The following RPA3 variants were observed in gnomAD, a reference collection of about 807,000 sequenced individuals.
RPA3 encodes the protein replication protein A 14 kDa subunit.
RPA3 carries 24 observed loss-of-function variants against 13.7 expected under a neutral mutation model. That is an observed-to-expected ratio of 1.75 (90% CI 1.27 to 2.46). The LOEUF is 2.46. Ranked by LOEUF, RPA3 falls within the 30% of genes most tolerant of loss-of-function variation. The pLI, the probability that RPA3 is intolerant of heterozygous loss-of-function variation, is 0.00. For missense variants in RPA3, 183 were observed against 151.0 expected (o/e 1.21, Z -1.11); for synonymous variants, 59 against 51.2 (o/e 1.15, Z -0.65).
rs560496040 is a variant in RPA3, at chr7:7,667,871, C to G, written c.-758+17959G>C. On this transcript the variant is annotated intron_variant, in intron 4 of 7. Transcript: ENST00000223129. Reference sequence around the variant, plus strand: ...CAATAGAATTTGGTTTAAGATTGTGCTCTACTCTACTAGCTATGTAAACTT... The same window carrying G: ...CAATAGAATTTGGTTTAAGATTGTGGTCTACTCTACTAGCTATGTAAACTT... Among the ~76,000 whole-genome samples the G allele has an allele frequency of 1.4e-3, 216 of 152,282 alleles. 2 individuals are homozygous for G. Among genetic ancestry groups the G allele is most frequent in the Non-Finnish European group, 2.0e-3 (137 of 68,022 alleles).
intron 4 of RPA3, among the ~76,000 whole-genome samples, chr7:7,675,797 A>G (rs763884063): frequency 1.1e-4 from 17 of 152,182 alleles, no homozygotes; most frequent in Admixed American, 2.0e-4. Context: ...TTTAATTTGC[A>G]GTGCAGCTGG....
intron 7 of RPA3, among the ~76,000 whole-genome samples, 178 bp from the exon 8 acceptor site, chr7:7,637,260 G>C (rs1002001073): frequency 6.6e-6 from 1 of 152,104 alleles, no homozygotes; most frequent in African/African-American, 2.4e-5. Context: ...AAAGACATGG[G>C]AGTACCATCC....
chr7:7,671,165 A>G (rs1352943591), intron 4 of RPA3, among the ~76,000 whole-genome samples: 1 of 152,200 alleles, frequency 6.6e-6, no homozygotes, highest in African/African-American at 2.4e-5. Context: ...CAACTCTCAA[A>G]AATTTTGTTG....
chr7:7,669,262 G>A (rs1779546227), intron 4 of RPA3, among the ~76,000 whole-genome samples: 1 of 152,128 alleles, frequency 6.6e-6, no homozygotes, highest in Non-Finnish European at 1.5e-5. Flanking sequence ...ACGGTATTTT[G>A]ATATAGGGTC....
chr7:7,664,581 A>G (rs1029515056), intron 4 of RPA3, among the ~76,000 whole-genome samples: 1 of 152,076 alleles, frequency 6.6e-6, no homozygotes, highest in Non-Finnish European at 1.5e-5. Flanking sequence ...TTTCCTCTAT[A>G]CCCACTATGC....
intron 4 of RPA3, among the ~76,000 whole-genome samples, chr7:7,647,582 C>G (rs1785124716): frequency 6.6e-6 from 1 of 152,078 alleles, no homozygotes; most frequent in South Asian, 2.1e-4. Context: ...CAAATTTCTC[C>G]TTGAAGCCCT....
Position 7,637,956 on chromosome 7 carries a change from G to C in RPA3, c.191C>G (p.Ser64Cys). The change falls in exon 7 of 8, where the codon TCT becomes TGT. Residue 64 changes from serine (S) to cysteine (C), a missense_variant. Physicochemically the swap from Ser to Cys is moderately radical, Grantham distance 112. Transcript: ENST00000223129. ...TCTTCCAACCACTTCCACAATTCCA[G>C]AGATTTCTTCATCAAGCTAAGACAC... ...ELMEPLDEEI[S>C]GIVEVVGRVT... 1 of 1,613,274 alleles carries C rather than the reference G, an allele frequency of 6.2e-7. No homozygotes were observed. The highest frequency in any genetic ancestry group is 8.5e-7 in the Non-Finnish European group (1 of 1,179,478).
At chr7:7,640,039 T>A in intron 5 of RPA3, 1 of 433,260 alleles carries the variant, frequency 2.3e-6, no homozygotes, top group South Asian at 2.7e-5. Context: ...GATGTGGGAG[T>A]GGTGTTTATA....
chr7:7,711,513 A>G (rs1040367188), intron 2 of RPA3, among the ~76,000 whole-genome samples: 10 of 152,190 alleles, frequency 6.6e-5, no homozygotes, highest in Non-Finnish European at 1.5e-4. Flanking sequence ...CCTTTTTAAC[A>G]TGTAATACTG....
At chr7:7,678,221 C>T (rs1257138207) in intron 4 of RPA3, among the ~76,000 whole-genome samples, 2 of 150,806 alleles carry the variant, frequency 1.3e-5, no homozygotes, top group Admixed American at 1.3e-4. Context: ...TATGAGGTCC[C>T]TTTTCTACAC....
At chr7:7,651,245 G>T (rs1785217185) in intron 4 of RPA3, among the ~76,000 whole-genome samples, 2 of 152,186 alleles carry the variant, frequency 1.3e-5, no homozygotes, top group Admixed American at 1.3e-4. Flanking sequence ...ATCCACAAAA[G>T]TATATGTTAG....
At chr7:7,712,583 G>A (rs1017938837) in intron 2 of RPA3, among the ~76,000 whole-genome samples, 2 of 152,060 alleles carry the variant, frequency 1.3e-5, no homozygotes, top group African/African-American at 4.8e-5. Context: ...TTCATCTTTA[G>A]ATTCTTTTGA....
intron 4 of RPA3, among the ~76,000 whole-genome samples, chr7:7,663,014 CCT>C (rs1383277145): frequency 1.1e-4 from 2 of 17,894 alleles, no homozygotes; most frequent in African/African-American, 1.7e-4. Flanking sequence ...TTTGAAAAAG[CCT>C]TTTTTGCCTG....
intron 2 of RPA3, among the ~76,000 whole-genome samples, chr7:7,714,319 C>G (rs183428989): frequency 6.6e-6 from 1 of 152,216 alleles, no homozygotes; most frequent in East Asian, 1.9e-4. Context: ...AGCAGACTTT[C>G]TTTGGCTGCT....
At chr7:7,670,450 A>C (rs764564416) in intron 4 of RPA3, among the ~76,000 whole-genome samples, 6 of 152,178 alleles carry the variant, frequency 3.9e-5, no homozygotes, top group Admixed American at 6.5e-5. Context: ...GGGAAGAGAA[A>C]ACTGTCCTAT....
At chr7:7,707,364 G>T (rs1002376030) in intron 2 of RPA3, among the ~76,000 whole-genome samples, 1 of 152,016 alleles carries the variant, frequency 6.6e-6, no homozygotes, top group African/African-American at 2.4e-5. Context: ...CTTTTTGCTT[G>T]CCTTGAATGA....
intron 4 of RPA3, among the ~76,000 whole-genome samples, chr7:7,642,963 T>G (rs1239555700): frequency 2.0e-5 from 3 of 152,206 alleles, no homozygotes; most frequent in Non-Finnish European, 4.4e-5. Context: ...TTCTGACTTC[T>G]TTTGTTTGTT....
intron 4 of RPA3, among the ~76,000 whole-genome samples, chr7:7,643,381 G>A (rs1165365763): frequency 2.0e-5 from 3 of 152,180 alleles, no homozygotes; most frequent in South Asian, 2.1e-4. Flanking sequence ...CCTATCCTAA[G>A]GAAAGAATCA....
At chr7:7,671,808 T>A (rs1270567761) in intron 4 of RPA3, among the ~76,000 whole-genome samples, 5 of 152,180 alleles carry the variant, frequency 3.3e-5, no homozygotes, top group Non-Finnish European at 1.5e-5. Flanking sequence ...GTTTTCAAAC[T>A]TTTCTTTTGT....
Sources: gnomAD v4.1 joint callset for allele counts (sites outside exome capture counted in the v4.1 genomes callset) on GRCh38, gnomAD v4.1.1 for gene constraint, MANE v1.5 for transcripts, NCBI Gene and HGNC (gene_info 2026-07-23, HGNC 2026-07-21) for gene names.